Variants in PLEKHH2 observed in about 807,000 individuals in gnomAD.
PLEKHH2 encodes pleckstrin homology, MyTH4 and FERM domain containing H2, also known as pleckstrin homology domain-containing family H member 2.
In PLEKHH2, 129 loss-of-function variants were observed where a neutral mutation model predicts 187.9. That is an observed-to-expected ratio of 0.69 (90% CI 0.59 to 0.79). The LOEUF (loss-of-function observed/expected upper bound fraction) is 0.79, where lower values mean the gene tolerates loss of function less well. Ranked by LOEUF, PLEKHH2 falls within the 30% of genes least tolerant of loss-of-function variation. PLEKHH2 has a pLI of 0.00. For synonymous variants in PLEKHH2, 686 were observed against 605.6 expected, an observed-to-expected ratio of 1.13 and a Z score of -1.95; for missense variants, 2,076 against 1,751.2, an observed-to-expected ratio of 1.19 and a Z score of -3.31.
In PLEKHH2 at chr2:43,757,189, A is replaced by G. The variant is rs1342641267; in HGVS notation, c.3866A>G (p.Asn1289Ser). ...CATGTTACCAATCAGTGCAAAGTGA[A>G]TCAAACTCTAAAGCAAGTCATAGAG... ...AGHVTNQCKV[N>S]QTLKQVIEKF... is the part of the protein sequence containing the mutation. The change falls in exon 26 of 30, where the codon AAT becomes AGT. Residue 1289 changes from asparagine (N) to serine (S), a missense_variant. Physicochemically the swap from Asn to Ser is conservative, Grantham distance 46. Transcript: ENST00000282406. 6.2e-7 allele frequency: 1 copy of G among 1,605,114 alleles called. No individual in the cohort carries two copies. Among genetic ancestry groups the G allele is most frequent in the African/African-American group, 1.3e-5 (1 of 74,518 alleles).
chr2:43,760,465 C>T (rs1211432500), intron 27 of PLEKHH2, among the ~76,000 whole-genome samples: 3 of 148,612 alleles, frequency 2.0e-5, no homozygotes, highest in South Asian at 2.1e-4. Flanking sequence ...CAGGTTCAAG[C>T]GATTCTCACG....
chr2:43,759,697 C>T (rs1348545776), intron 27 of PLEKHH2, among the ~76,000 whole-genome samples: 1 of 152,146 alleles, frequency 6.6e-6, no homozygotes, highest in African/African-American at 2.4e-5. Flanking sequence ...TTGTTTTATA[C>T]TCACTATTAA....
At chr2:43,645,406 G>C (rs148895361) in intron 2 of PLEKHH2, among the ~76,000 whole-genome samples, 1 of 152,102 alleles carries the variant, frequency 6.6e-6, no homozygotes, top group East Asian at 1.9e-4. Flanking sequence ...GTTAGACACC[G>C]TTCTTAATAC....
chr2:43,745,479 G>A (rs1303646282), intron 23 of PLEKHH2, among the ~76,000 whole-genome samples: 1 of 152,110 alleles, frequency 6.6e-6, no homozygotes, highest in Non-Finnish European at 1.5e-5. Context: ...TAAATTATAT[G>A]TCAAATTTCT....
intron 19 of PLEKHH2, among the ~76,000 whole-genome samples, chr2:43,735,723 T>C (rs1023367270): frequency 1.3e-5 from 2 of 152,194 alleles, no homozygotes; most frequent in Admixed American, 1.3e-4. Flanking sequence ...GTCAATAACA[T>C]TTTTTAATGT....
At chr2:43,719,532 C>G (rs1055136536) in intron 15 of PLEKHH2, among the ~76,000 whole-genome samples, 1 of 152,080 alleles carries the variant, frequency 6.6e-6, no homozygotes, top group East Asian at 1.9e-4. Flanking sequence ...CTCCGTGTCC[C>G]GGTTTCAAGC....
intron 2 of PLEKHH2, among the ~76,000 whole-genome samples, chr2:43,655,695 G>A (rs926179233): frequency 3.9e-5 from 6 of 152,160 alleles, no homozygotes; most frequent in African/African-American, 1.4e-4. Context: ...GAAAGCCTAA[G>A]GTTGTGTGGG....
At chr2:43,736,307 A>T (rs1214298384) in intron 19 of PLEKHH2, among the ~76,000 whole-genome samples, 6 of 152,218 alleles carry the variant, frequency 3.9e-5, no homozygotes, top group Admixed American at 3.3e-4. Context: ...TTGGGCCATG[A>T]TGGAGCCACA....
intron 21 of PLEKHH2, among the ~76,000 whole-genome samples, chr2:43,742,212 G>C (rs1671595652): frequency 6.6e-6 from 1 of 151,992 alleles, no homozygotes; most frequent in African/African-American, 2.4e-5. Context: ...ATGTTGACCA[G>C]GTTGGTCTTG....
chr2:43,723,984 T>G (rs1594582), intron 16 of PLEKHH2, among the ~76,000 whole-genome samples: 99,761 of 152,120 alleles, frequency 0.66, 34,566 homozygotes, highest in African/African-American at 0.87. Flanking sequence ...ATTCTGAAAG[T>G]CTTGTTGACA....
chr2:43,675,411 G>A (rs765071767), intron 2 of PLEKHH2: 3 of 1,604,996 alleles, frequency 1.9e-6, no homozygotes, highest in Non-Finnish European at 1.7e-6. Context: ...GCAAGAAAAC[G>A]AGTGTGTCAT....
chr2:43,697,023 CTA>C (rs752534267), intron 6 of PLEKHH2, 146 bp from the exon 7 acceptor site: 13 of 512,558 alleles, frequency 2.5e-5, no homozygotes, highest in Non-Finnish European at 4.3e-5. Context: ...ATTGAAGGTT[CTA>C]TGTTATTGTA....
intron 14 of PLEKHH2, chr2:43,711,908 A>T: frequency 1.0e-6 from 1 of 1,001,380 alleles, no homozygotes; most frequent in Non-Finnish European, 1.2e-6. Context: ...AAAAAAAAAA[A>T]AGAAAAGTAG....
chr2:43,757,062 A>G, intron 25 of PLEKHH2, 57 bp from the exon 26 acceptor site: 1 of 1,336,986 alleles, frequency 7.5e-7, no homozygotes, highest in Non-Finnish European at 1.0e-6. Context: ...AAACTAACTG[A>G]TTTTCTGTCT....
At chr2:43,681,652 A>G in intron 3 of PLEKHH2, 1 of 632,706 alleles carries the variant, frequency 1.6e-6, no homozygotes, top group Non-Finnish European at 2.8e-6. Flanking sequence ...TACCATAGTG[A>G]CCAGATCTGA....
chr2:43,758,811 G>T, intron 26 of PLEKHH2, 89 bp from the exon 27 acceptor site: 1 of 1,172,540 alleles, frequency 8.5e-7, no homozygotes, highest in Non-Finnish European at 1.2e-6. Flanking sequence ...CTTAGGATTG[G>T]CTCAAGGAGA....
intron 1 of PLEKHH2, among the ~76,000 whole-genome samples, chr2:43,644,220 G>T (rs1666081513): frequency 6.6e-6 from 1 of 152,084 alleles, no homozygotes; most frequent in South Asian, 2.1e-4. Flanking sequence ...TCAGAATATG[G>T]TAAAATTATG....
At chr2:43,709,940 G>A in intron 11 of PLEKHH2, 50 bp from the exon 12 acceptor site, 1 of 1,525,926 alleles carries the variant, frequency 6.6e-7, no homozygotes, top group Non-Finnish European at 8.9e-7. Context: ...CTGGTGTTTG[G>A]CCCTCCCCAG....
At chr2:43,660,681 C>T (rs1270232560) in intron 2 of PLEKHH2, among the ~76,000 whole-genome samples, 8 of 125,890 alleles carry the variant, frequency 6.4e-5, no homozygotes, top group Non-Finnish European at 1.3e-4. Context: ...CATGTGATCT[C>T]ATTGTTCAAT....
Sources: allele counts gnomAD v4.1 joint callset (sites outside exome capture counted in the v4.1 genomes callset), GRCh38; gene constraint gnomAD v4.1.1; transcripts MANE v1.5; gene names NCBI Gene and HGNC (gene_info 2026-07-23, HGNC 2026-07-21).